The following MYO18B variants were observed in gnomAD, a reference collection of about 807,000 sequenced individuals.
The protein encoded by MYO18B is myosin XVIIIB, also known as unconventional myosin-XVIIIb.
A neutral mutation model predicts 273.0 loss-of-function variants in MYO18B; 204 were observed. The ratio of observed to expected loss-of-function variants is 0.75; its 90% CI spans 0.67 to 0.84. MYO18B has a LOEUF of 0.84. Ranked by LOEUF, MYO18B falls within the 40% of genes least tolerant of loss-of-function variation. The pLI, the probability that MYO18B is intolerant of heterozygous loss-of-function variation, is 0.00. For missense variants in MYO18B, 3,212 were observed against 3,287.6 expected, an observed-to-expected ratio of 0.98 and a Z score of 0.56; for synonymous variants, 1,330 against 1,305.7, an observed-to-expected ratio of 1.02 and a Z score of -0.40.
intron 42 of MYO18B, among the ~76,000 whole-genome samples, chr22:26,017,835 A>G (rs996225041): frequency 9.9e-5 from 15 of 152,188 alleles, no homozygotes; most frequent in Non-Finnish European, 2.9e-5. Flanking sequence ...AAGAGCAGAA[A>G]GCATAGAGAG....
At chr22:25,785,893 C>T (rs1168887214) in intron 11 of MYO18B, among the ~76,000 whole-genome samples, 4 of 152,104 alleles carry the variant, frequency 2.6e-5, no homozygotes, top group Non-Finnish European at 5.9e-5. Context: ...ATGTGTATAA[C>T]GTGCTTAGAA....
In MYO18B at chr22:26,026,566, C is replaced by G; in HGVS notation, c.6592C>G (p.Arg2198Gly). The change falls in exon 43 of 44, where the codon CGC becomes GGC. Residue 2198 changes from arginine (R) to glycine (G), a missense_variant. Coordinates refer to ENST00000335473, the MANE Select transcript of MYO18B (RefSeq NM_032608.7). ...CAAGCCTGTTTCTCCCCACTTTGTCCGCCGGCAAAAGTACTGTCATTTTGG... is the reference window on the plus strand; with the variant it reads ...CAAGCCTGTTTCTCCCCACTTTGTCGGCCGGCAAAAGTACTGTCATTTTGG... ...GDKPVSPHFV[R>G]RQKYCHFGDG... 6.2e-7 allele frequency: 1 copy of G among 1,613,880 alleles called. No homozygotes were observed. Among genetic ancestry groups the G allele is most frequent in the Non-Finnish European group, 8.5e-7 (1 of 1,179,884 alleles).
rs141681357 is a variant in MYO18B at position 25,793,696 on chromosome 22, G to A, written c.2377-4257G>A. Among the ~76,000 whole-genome samples, 689 of 152,242 alleles carry A rather than the reference G, an allele frequency of 4.5e-3. 7 individuals carry two copies. Among genetic ancestry groups the A allele is most frequent in the African/African-American group, 0.015 (626 of 41,542 alleles). On this transcript the variant is annotated intron_variant, in intron 11 of 43. Transcript: ENST00000335473. Reference sequence around the variant, plus strand: ...TCTGGATTGTAGGAATCTCCTGGGCGCTCTAAGCCCAGCCTGGTTTAATGG... The same window carrying A: ...TCTGGATTGTAGGAATCTCCTGGGCACTCTAAGCCCAGCCTGGTTTAATGG...
chr22:25,978,220 A>G (rs73402498), intron 39 of MYO18B, among the ~76,000 whole-genome samples: 2,994 of 152,304 alleles, frequency 0.02, 96 homozygotes, highest in African/African-American at 0.069. Context: ...TAGAAGGGAA[A>G]GAAACTAATT....
At chr22:26,031,782 G>A (rs764505113), downstream of MYO18B, among the ~76,000 whole-genome samples, 2 of 152,196 alleles carry the variant, frequency 1.3e-5, no homozygotes, top group African/African-American at 4.8e-5. Flanking sequence ...AGACCTCACC[G>A]TCTCTGGAGA....
the MYO18B span, among the ~76,000 whole-genome samples, chr22:26,040,435 A>G: frequency 2.1e-4 from 32 of 152,296 alleles, no homozygotes; most frequent in East Asian, 4.8e-3. Context: ...CAGACAGATA[A>G]TTCACGTTCT....
intron 16 of MYO18B, among the ~76,000 whole-genome samples, chr22:25,833,201 T>G (rs1418074293): frequency 6.6e-6 from 1 of 152,200 alleles, no homozygotes; most frequent in Non-Finnish European, 1.5e-5. Flanking sequence ...CAGTGGAAAT[T>G]TAAGCATCAT....
chr22:26,056,670 G>A, the MYO18B span, among the ~76,000 whole-genome samples: 2 of 152,138 alleles, frequency 1.3e-5, no homozygotes, highest in African/African-American at 2.4e-5. Context: ...TCAGCTCTTC[G>A]TTCCCTGCAA....
the MYO18B span, among the ~76,000 whole-genome samples, chr22:26,056,679 A>G: frequency 6.6e-6 from 1 of 152,180 alleles, no homozygotes; most frequent in Admixed American, 6.5e-5. Flanking sequence ...CGTTCCCTGC[A>G]ATTCCTGTCT....
At chr22:25,953,881 A>G (rs2092819397) in intron 38 of MYO18B, among the ~76,000 whole-genome samples, 1 of 152,122 alleles carries the variant, frequency 6.6e-6, no homozygotes, top group South Asian at 2.1e-4. Context: ...GGGGTACCTC[A>G]AAGACACAGT....
intron 21 of MYO18B, among the ~76,000 whole-genome samples, chr22:25,861,888 C>T (rs920095166): frequency 6.6e-6 from 1 of 152,164 alleles, no homozygotes; most frequent in Non-Finnish European, 1.5e-5. Flanking sequence ...ATATAGCTCA[C>T]GTCTTCCTCC....
At chr22:26,024,371 C>T (rs1011791893) in intron 42 of MYO18B, among the ~76,000 whole-genome samples, 13 of 152,182 alleles carry the variant, frequency 8.5e-5, no homozygotes, top group East Asian at 7.7e-4. Flanking sequence ...AGGAGTACTC[C>T]GGGTAGAACC....
rs1472550571 is a variant in MYO18B at position 25,792,497 on chromosome 22, C to CTTTCT, written c.2377-5453_2377-5452insCTTTT. Among the ~76,000 whole-genome samples the CTTTCT allele has an allele frequency of 3.7e-5, 4 of 107,938 alleles. 1 individual carries two copies. Among genetic ancestry groups the CTTTCT allele is most frequent in the South Asian group, 3.0e-4 (1 of 3,324 alleles). 70.8% of individuals were successfully genotyped at this position (107,938 alleles called of 152,430 possible). A position where few individuals can be genotyped will look rare whatever the true frequency, so the allele number is the denominator to read the frequency against. ...GTGATGTTTCTTTTTTTTTTCTTTT[C>CTTTCT]TTTTTTTTTTTTTTTTGAGACAGAG... On this transcript the variant is annotated intron_variant, in intron 11 of 43. Coordinates refer to ENST00000335473, the MANE Select transcript of MYO18B (RefSeq NM_032608.7).
intron 39 of MYO18B, among the ~76,000 whole-genome samples, chr22:25,989,007 C>T (rs529204148): frequency 7.4e-4 from 112 of 152,256 alleles, no homozygotes; most frequent in African/African-American, 2.6e-3. Flanking sequence ...TTGCTTAGTC[C>T]CAGCCGAGGC....
intron 35 of MYO18B, among the ~76,000 whole-genome samples, chr22:25,946,956 C>G (rs1388821364): frequency 1.3e-5 from 2 of 152,230 alleles, no homozygotes; most frequent in Non-Finnish European, 2.9e-5. Context: ...TGTAGGTTTC[C>G]AAGTCCCCTA....
intron 38 of MYO18B, 95 bp from the exon 39 acceptor site, chr22:25,955,084 G>A: frequency 7.7e-7 from 1 of 1,305,008 alleles, no homozygotes; most frequent in Non-Finnish European, 1.0e-6. Flanking sequence ...TGAAAACACA[G>A]GAAACTCGGC....
chr22:25,878,080 G>C, intron 25 of MYO18B, 32 bp downstream of exon 25: 3 of 1,523,016 alleles, frequency 2.0e-6, no homozygotes, highest in Non-Finnish European at 2.7e-6. Flanking sequence ...GGTCCTTGTG[G>C]GGGGTCTTTA....
intron 17 of MYO18B, among the ~76,000 whole-genome samples, chr22:25,842,040 T>C (rs2090097276): frequency 6.6e-6 from 1 of 152,232 alleles, no homozygotes; most frequent in Non-Finnish European, 1.5e-5. Context: ...AAGGGTTCTG[T>C]GCTGGTAACT....
At chr22:25,940,991 A>C (rs370282409) in intron 34 of MYO18B, among the ~76,000 whole-genome samples, 216 of 152,342 alleles carry the variant, frequency 1.4e-3, no homozygotes, top group African/African-American at 5.1e-3. Context: ...GGCTGATTTA[A>C]TTAGAGAACA....
Sources: gnomAD v4.1 joint callset for allele counts (sites outside exome capture counted in the v4.1 genomes callset) on GRCh38, gnomAD v4.1.1 for gene constraint, MANE v1.5 for transcripts, NCBI Gene and HGNC (gene_info 2026-07-23, HGNC 2026-07-21) for gene names.